The following CPQ variants were observed in gnomAD, a reference collection of about 807,000 sequenced individuals.
The protein encoded by CPQ is Ser-Met dipeptidase.
Under a neutral mutation model 45.7 loss-of-function variants are expected in CPQ, and 37 were observed. The ratio of observed to expected loss-of-function variants is 0.81; its 90% confidence interval spans 0.62 to 1.07. The LOEUF is 1.07. Ranked by LOEUF, CPQ falls within the 50% of genes least tolerant of loss-of-function variation. The pLI is 0.00. For synonymous variants in CPQ, 186 were observed against 205.8 expected, an observed-to-expected ratio of 0.90 and a Z score of 0.82; for missense variants, 537 against 572.9, an observed-to-expected ratio of 0.94 and a Z score of 0.64.
At chr8:97,130,804 T>C (rs1811941432) in intron 7 of CPQ, among the ~76,000 whole-genome samples, 1 of 152,198 alleles carries the variant, frequency 6.6e-6, no homozygotes, top group Non-Finnish European at 1.5e-5. Flanking sequence ...TTTGTTTCCC[T>C]TTGTTTTGGA....
intron 7 of CPQ, among the ~76,000 whole-genome samples, chr8:97,124,431 A>C (rs1450100354): frequency 6.6e-6 from 1 of 152,152 alleles, no homozygotes; most frequent in Non-Finnish European, 1.5e-5. Flanking sequence ...CAACTTGATC[A>C]AATTGATATT....
Position 97,143,269 on chromosome 8 carries a change from T to A in CPQ, c.*86T>A. On this transcript the variant is annotated 3_prime_UTR_variant, in exon 8 of 8. Coordinates refer to ENST00000220763, the MANE Select transcript of CPQ (RefSeq NM_016134.4). ...GAAAACTCCTCTTCACATAACAATT[T>A]CATCCAATTCATCTTCAAAGCACAA... 1 of 1,186,674 alleles carries A rather than the reference T, an allele frequency of 8.4e-7. No homozygotes were observed. Among genetic ancestry groups the A allele is most frequent in the Non-Finnish European group, 1.2e-6 (1 of 828,046 alleles). The allele number at this position is 1,186,674 out of a possible 1,614,324, so 73.5% of individuals were successfully genotyped here.
intron 6 of CPQ, among the ~76,000 whole-genome samples, chr8:97,059,869 G>C (rs1457712843): frequency 1.3e-5 from 2 of 152,160 alleles, no homozygotes; most frequent in Non-Finnish European, 1.5e-5. Flanking sequence ...TGATTGCCCT[G>C]TGTCAGTGTG....
intron 2 of CPQ, among the ~76,000 whole-genome samples, chr8:96,828,917 T>C (rs1040097180): frequency 9.9e-5 from 15 of 152,106 alleles, no homozygotes; most frequent in African/African-American, 2.7e-4. Flanking sequence ...TGGGAAAAGT[T>C]TGGATTTTAA....
intron 4 of CPQ, among the ~76,000 whole-genome samples, chr8:96,926,847 G>A (rs1327295177): frequency 6.6e-6 from 1 of 151,808 alleles, no homozygotes; most frequent in Non-Finnish European, 1.5e-5. Flanking sequence ...CCCCGGAGAG[G>A]CCCCAGTGTG....
At chr8:96,869,177 T>G (rs570616816) in intron 3 of CPQ, among the ~76,000 whole-genome samples, 1 of 152,126 alleles carries the variant, frequency 6.6e-6, no homozygotes, top group South Asian at 2.1e-4. Flanking sequence ...TTCATTTTGT[T>G]AATCATATTT....
chr8:97,085,147 G>C (rs1181295688), intron 7 of CPQ, among the ~76,000 whole-genome samples: 1 of 151,996 alleles, frequency 6.6e-6, no homozygotes, highest in East Asian at 1.9e-4. Context: ...AATTTGAGAG[G>C]CTGATGAGGG....
chr8:96,910,541 G>T (rs997415186), intron 4 of CPQ, among the ~76,000 whole-genome samples: 1 of 152,062 alleles, frequency 6.6e-6, no homozygotes, highest in African/African-American at 2.4e-5. Flanking sequence ...GTCTCACTCT[G>T]TCGCCCAGGC....
rs182710808 is a variant in CPQ at position 97,046,987 on chromosome 8, G to T, written c.1053+17493G>T. ...TTTTTTTTCAGTGCTAGAGATTTTT[G>T]TTTTGATAGATTTACAGAGAGAAAA... On this transcript the variant is annotated intron_variant, in intron 6 of 7. Transcript: ENST00000220763. Among the ~76,000 whole-genome samples the T allele has an allele frequency of 1.7e-3, 252 of 146,328 alleles. 3 individuals are homozygous for T. The highest frequency in any genetic ancestry group is 0.013 in the Admixed American group (196 of 15,104).
chr8:97,039,454 G>C (rs1230398290), intron 6 of CPQ, among the ~76,000 whole-genome samples: 1 of 148,468 alleles, frequency 6.7e-6, no homozygotes, highest in Non-Finnish European at 1.5e-5. Flanking sequence ...TTAAACAATT[G>C]TGATTCTTTT....
intron 5 of CPQ, among the ~76,000 whole-genome samples, chr8:96,990,780 T>A (rs1346608497): frequency 6.6e-6 from 1 of 152,176 alleles, no homozygotes; most frequent in Non-Finnish European, 1.5e-5. Context: ...GGCATTCTGG[T>A]AAATGCTCAA....
intron 4 of CPQ, among the ~76,000 whole-genome samples, chr8:96,895,053 T>C (rs1240445806): frequency 6.6e-6 from 1 of 152,194 alleles, no homozygotes; most frequent in Non-Finnish European, 1.5e-5. Flanking sequence ...GCCGTCCGTG[T>C]GTTACCCACT....
chr8:96,972,338 CAGCA>C (rs1813693563), intron 5 of CPQ, among the ~76,000 whole-genome samples: 1 of 152,182 alleles, frequency 6.6e-6, no homozygotes, highest in Admixed American at 6.5e-5. Flanking sequence ...TCATAGCCCA[CAGCA>C]GCTGCAGCAA....
intron 7 of CPQ, among the ~76,000 whole-genome samples, chr8:97,074,348 T>C (rs553958611): frequency 6.6e-6 from 1 of 152,268 alleles, no homozygotes; most frequent in Admixed American, 6.5e-5. Context: ...TAAGGAACAA[T>C]AAAAGGAAGT....
chr8:96,705,746 A>T (rs1184794352), intron 1 of CPQ, among the ~76,000 whole-genome samples: 1 of 151,966 alleles, frequency 6.6e-6, no homozygotes, highest in East Asian at 1.9e-4. Context: ...CTCTAACTTT[A>T]TCCCAATTCC....
intron 4 of CPQ, among the ~76,000 whole-genome samples, chr8:96,961,102 C>T (rs1813454576): frequency 6.6e-6 from 1 of 152,162 alleles, no homozygotes; most frequent in East Asian, 1.9e-4. Flanking sequence ...ATATGTTCAA[C>T]TTTATAAGGA....
intron 4 of CPQ, among the ~76,000 whole-genome samples, chr8:96,915,792 C>G (rs1640043481): frequency 1.3e-5 from 2 of 152,238 alleles, no homozygotes; most frequent in Middle Eastern, 3.4e-3. Flanking sequence ...ACTTAGGCAG[C>G]CGATGTTTCA....
intron 5 of CPQ, among the ~76,000 whole-genome samples, chr8:97,019,996 A>C (rs932749502): frequency 2.0e-5 from 3 of 152,222 alleles, no homozygotes; most frequent in Admixed American, 6.5e-5. Flanking sequence ...AGTCTTGATA[A>C]ATTCAAGAAA....
intron 5 of CPQ, among the ~76,000 whole-genome samples, chr8:97,005,051 T>G (rs893067170): frequency 6.6e-6 from 1 of 152,014 alleles, no homozygotes; most frequent in Non-Finnish European, 1.5e-5. Context: ...ATTGGGAAGC[T>G]TGTGAATTTT....
Sources: gnomAD v4.1 joint callset for allele counts (sites outside exome capture counted in the v4.1 genomes callset) on GRCh38, gnomAD v4.1.1 for gene constraint, MANE v1.5 for transcripts, NCBI Gene and HGNC (gene_info 2026-07-23, HGNC 2026-07-21) for gene names.